The following PLAA variants were observed in gnomAD, a reference collection of about 807,000 sequenced individuals.
PLAA encodes phospholipase A-2-activating protein.
PLAA carries 48 observed loss-of-function variants against 84.1 expected under a neutral mutation model. The observed-to-expected ratio is 0.57, with a 90% CI of 0.45 to 0.73. PLAA has a LOEUF of 0.73. PLAA is among the 30% of genes least tolerant of loss of function. The probability of loss-of-function intolerance (pLI) is 0.00; values close to 1 mark genes in which losing one functional copy is unlikely to be tolerated. For synonymous variants in PLAA, 392 were observed against 336.6 expected (o/e 1.16, Z -1.80); for missense variants, 903 against 954.7 (o/e 0.95, Z 0.71).
At chr9:26,933,624 TAAAAATACAA>T (rs1247936132) in intron 2 of PLAA, among the ~76,000 whole-genome samples, 2 of 150,094 alleles carry the variant, frequency 1.3e-5, no homozygotes, top group African/African-American at 2.4e-5. Context: ...CTGTCTCTAC[TAAAAATACAA>T]AAAAATTAGC....
intron 1 of PLAA, among the ~76,000 whole-genome samples, chr9:26,937,427 G>T (rs952601382): frequency 1.3e-5 from 2 of 152,026 alleles, no homozygotes; most frequent in Admixed American, 1.3e-4. Flanking sequence ...TGGAAAAGGG[G>T]AAGAATATGA....
intron 13 of PLAA, chr9:26,907,569 CAA>C: frequency 2.8e-6 from 1 of 360,292 alleles, no homozygotes; most frequent in South Asian, 4.0e-5. Context: ...AACAAAAAAA[CAA>C]AGAAAACAAA....
chr9:26,907,461 GGAGCTTGCAGT>G (rs74178367), intron 13 of PLAA: 162,419 of 165,248 alleles, frequency 0.98, 79,880 homozygotes, highest in East Asian at 1. Context: ...CCCGGGAGGC[GGAGCTTGCAGT>G]GAGCTTGCAG....
chr9:26,932,213 TTTTTG>T (rs369918885), intron 2 of PLAA, among the ~76,000 whole-genome samples: 3 of 75,968 alleles, frequency 3.9e-5, no homozygotes, highest in African/African-American at 1.5e-4. Flanking sequence ...TCACTGGATG[TTTTTG>T]TTTTGTTTTG....
At position 26,947,046 on chromosome 9, in the gene PLAA, G is replaced by A. The variant is rs1410133858; in HGVS notation, c.-1C>T. ...GGTACCTGGTTGCGCCGCTCGTCAT[G>A]GCCAGTGTCTGTCTGGCGCCCGGTG... On this transcript the variant is annotated 5_prime_UTR_variant, in exon 1 of 14. Transcript: ENST00000397292. 6.3e-7 allele frequency: 1 copy of A among 1,578,152 alleles called. No homozygotes were observed. Among genetic ancestry groups the A allele is most frequent in the Non-Finnish European group, 8.6e-7 (1 of 1,162,754 alleles).
At chr9:26,906,152 T>C in intron 13 of PLAA, 76 bp from the exon 14 acceptor site, 1 of 974,632 alleles carries the variant, frequency 1.0e-6, no homozygotes, top group Non-Finnish European at 1.4e-6. Context: ...TGAAGGATTT[T>C]ATTTTCCCAC....
Position 26,935,109 on chromosome 9 carries a change from C to G in PLAA, c.247G>C (p.Gly83Arg). 6.2e-7 allele frequency: 1 copy of G among 1,611,010 alleles called. No homozygotes were observed. Residue 83 changes from glycine to arginine, a missense_variant, in exon 2 of 14, where the codon GGC becomes CGC. Gly to Arg is a moderately radical substitution (Grantham distance 125). Coordinates refer to ENST00000397292, the MANE Select transcript of PLAA (RefSeq NM_001031689.3). ...TCATTTCCACCGGTGGCAATTAGGC[C>G]ATGAGGGTAGATGTCACTTGAGGGT... ...IIPSSDIYPH[G>R]LIATGGNDHN...
intron 2 of PLAA, among the ~76,000 whole-genome samples, chr9:26,932,832 T>TA (rs1170498783): frequency 6.6e-6 from 1 of 152,128 alleles, no homozygotes; most frequent in Non-Finnish European, 1.5e-5. Context: ...CACAAACATT[T>TA]AAAAAATTCT....
chr9:26,943,250 T>C (rs1486487365), intron 1 of PLAA, among the ~76,000 whole-genome samples: 1 of 152,188 alleles, frequency 6.6e-6, no homozygotes, highest in African/African-American at 2.4e-5. Flanking sequence ...CCAACAGATA[T>C]GTCTCCACTC....
intron 10 of PLAA, among the ~76,000 whole-genome samples, chr9:26,914,525 G>A (rs1242594649): frequency 2.0e-5 from 3 of 151,430 alleles, no homozygotes; most frequent in Non-Finnish European, 4.4e-5. Context: ...TCTAGGAGTT[G>A]TTACAACCGG....
intron 9 of PLAA, among the ~76,000 whole-genome samples, chr9:26,918,547 A>C (rs557275593): frequency 3.7e-4 from 56 of 152,274 alleles, no homozygotes; most frequent in African/African-American, 1.3e-3. Flanking sequence ...TCAGGGAAGA[A>C]AAGGTGGATC....
At chr9:26,939,420 C>T (rs1825454831) in intron 1 of PLAA, among the ~76,000 whole-genome samples, 1 of 127,968 alleles carries the variant, frequency 7.8e-6, no homozygotes, top group Non-Finnish European at 1.7e-5. Context: ...AATAAATAAA[C>T]AAACATATAA....
intron 2 of PLAA, among the ~76,000 whole-genome samples, chr9:26,929,998 C>G (rs7043002): frequency 0.075 from 11,092 of 148,220 alleles, 576 homozygotes; most frequent in African/African-American, 0.15. Context: ...CTTTCAGTCA[C>G]ACACATGTTT....
At position 26,947,094 on chromosome 9, in the gene PLAA, T is replaced by TACTG. The variant is rs1825757373; in HGVS notation, c.-50_-49insCAGT. The TACTG allele has an allele frequency of 6.9e-7, 1 of 1,442,086 alleles. No homozygotes were observed. The highest frequency in any genetic ancestry group is 2.8e-5 in the East Asian group (1 of 35,656). 89.3% of individuals were successfully genotyped at this position (1,442,086 alleles called of 1,614,324 possible). A position where few individuals can be genotyped will look rare whatever the true frequency, so the allele number is the denominator to read the frequency against. On this transcript the variant is annotated 5_prime_UTR_variant, in exon 1 of 14. Coordinates refer to ENST00000397292, the MANE Select transcript of PLAA (RefSeq NM_001031689.3). The stretch of plus-strand genomic sequence containing the variant: ...GTGCCCAGGCACTGTGCGAGACCAG[T>TACTG]CCGCAGGGGCGACTCGGAGAGCGCC...
At chr9:26,909,864 T>C (rs1239425862) in intron 12 of PLAA, among the ~76,000 whole-genome samples, 1 of 152,156 alleles carries the variant, frequency 6.6e-6, no homozygotes, top group African/African-American at 2.4e-5. Flanking sequence ...CCTTAGGCAG[T>C]CCGCCCGCCT....
At chr9:26,942,877 CAAAAAAAAAAAA>C (rs34134451) in intron 1 of PLAA, among the ~76,000 whole-genome samples, 1 of 51,360 alleles carries the variant, frequency 1.9e-5, no homozygotes, top group East Asian at 4.8e-4. Flanking sequence ...AGACTCGTCT[CAAAAAAAAAAAA>C]AAAAAAAAAG....
In PLAA at chr9:26,910,320, T is replaced by C. The variant is rs772618419; in HGVS notation, c.1657+18A>G. On this transcript the variant is annotated intron_variant, in intron 12 of 13. Coordinates refer to ENST00000397292, the MANE Select transcript of PLAA (RefSeq NM_001031689.3). ...AACAGTCTGTGAATATGTGAATAAATTAATTAAAGAAACTTACCTAATATT... is the reference window on the plus strand; with the variant it reads ...AACAGTCTGTGAATATGTGAATAAACTAATTAAAGAAACTTACCTAATATT... The C allele has an allele frequency of 1.4e-5, 22 of 1,557,342 alleles. No homozygotes were observed. The Admixed American group carries it at 3.3e-4, about 24-fold the overall frequency.
intron 2 of PLAA, among the ~76,000 whole-genome samples, chr9:26,929,547 A>G (rs1341702309): frequency 6.6e-6 from 1 of 152,224 alleles, no homozygotes; most frequent in Admixed American, 6.5e-5. Context: ...GCACAGCCAT[A>G]AAGAACCTTG....
Position 26,931,342 on chromosome 9 carries a change from C to T in PLAA, c.344-2934G>A, listed in dbSNP as rs565053924. Among the ~76,000 whole-genome samples the T allele has an allele frequency of 2.5e-3, 380 of 152,188 alleles. 2 individuals carry two copies. Among genetic ancestry groups the T allele is most frequent in the African/African-American group, 8.8e-3 (367 of 41,536 alleles). On this transcript the variant is annotated intron_variant, in intron 2 of 13. Transcript: ENST00000397292. The stretch of plus-strand genomic sequence containing the variant: ...AAATGCAGAAATAATATTAGAATTA[C>T]AGTACAATCATTTTGTAAACCTTAA...
Sources: gnomAD v4.1 joint callset for allele counts (sites outside exome capture counted in the v4.1 genomes callset) on GRCh38, gnomAD v4.1.1 for gene constraint, MANE v1.5 for transcripts, NCBI Gene and HGNC (gene_info 2026-07-23, HGNC 2026-07-21) for gene names.